STX18: variants seen among roughly 807,000 people sequenced by gnomAD.
The protein encoded by STX18 is syntaxin 18.
STX18 carries 40 observed loss-of-function variants against 50.1 expected under a neutral mutation model. The observed-to-expected ratio is 0.80, with a 90% CI of 0.62 to 1.04. The LOEUF (loss-of-function observed/expected upper bound fraction) is 1.04. Ranked by LOEUF, STX18 falls within the 50% of genes least tolerant of loss-of-function variation. The probability of loss-of-function intolerance (pLI) is 0.00; values close to 1 mark genes in which losing one functional copy is unlikely to be tolerated. For missense variants in STX18, 410 were observed against 415.8 expected (o/e 0.99, Z 0.12); for synonymous variants, 158 against 151.8 (o/e 1.04, Z -0.30).
intron 2 of STX18, among the ~76,000 whole-genome samples, chr4:4,470,616 T>C: frequency 6.6e-6 from 1 of 151,906 alleles, no homozygotes; most frequent in South Asian, 2.1e-4. Flanking sequence ...GTGGAGAAAC[T>C]AACTAACAGA....
At chr4:4,538,380 C>T (rs528033809) in intron 1 of STX18, among the ~76,000 whole-genome samples, 1 of 152,286 alleles carries the variant, frequency 6.6e-6, no homozygotes, top group Non-Finnish European at 1.5e-5. Context: ...AGAAATGTTA[C>T]CATCTTTTAC....
At chr4:4,460,825 C>T (rs1026927337) in intron 2 of STX18, among the ~76,000 whole-genome samples, 26 of 152,252 alleles carry the variant, frequency 1.7e-4, no homozygotes, top group East Asian at 5.8e-4. Flanking sequence ...GAGACAAAGG[C>T]GCTAAGCCAG....
intron 7 of STX18, 92 bp from the exon 8 acceptor site, chr4:4,425,314 C>G: frequency 3.4e-6 from 4 of 1,165,044 alleles, no homozygotes; most frequent in Non-Finnish European, 5.1e-6. Flanking sequence ...GGAATCACTG[C>G]CGAAGCCCCC....
intron 1 of STX18, chr4:4,476,158 G>A (rs1166873335): frequency 6.6e-6 from 1 of 152,180 alleles, no homozygotes; most frequent in Non-Finnish European, 1.5e-5. Context: ...TCATGGAAAA[G>A]AGTTTTCATC....
At chr4:4,486,188 T>C (rs1728692254) in intron 1 of STX18, among the ~76,000 whole-genome samples, 1 of 152,188 alleles carries the variant, frequency 6.6e-6, no homozygotes, top group African/African-American at 2.4e-5. Flanking sequence ...ATTTGAAAGC[T>C]CCTACCACCA....
At chr4:4,515,372 C>T (rs938677685) in intron 1 of STX18, among the ~76,000 whole-genome samples, 2 of 152,084 alleles carry the variant, frequency 1.3e-5, no homozygotes, top group African/African-American at 4.8e-5. Context: ...AAATTGTGGT[C>T]ATCTTTTGTT....
chr4:4,424,898 T>C (rs531238503), intron 8 of STX18, among the ~76,000 whole-genome samples: 1 of 152,200 alleles, frequency 6.6e-6, no homozygotes, highest in South Asian at 2.1e-4. Context: ...AGGTAATCTG[T>C]AGTCACTCCT....
At chr4:4,434,729 A>AT (rs1376255599) in intron 7 of STX18, 41 bp downstream of exon 7, 1 of 1,541,122 alleles carries the variant, frequency 6.5e-7, no homozygotes, top group Non-Finnish European at 8.9e-7. Context: ...GTCTTATGAA[A>AT]ACCAGTTAAA....
At chr4:4,481,738 C>T (rs374120195) in intron 1 of STX18, 31 of 152,290 alleles carry the variant, frequency 2.0e-4, no homozygotes, top group African/African-American at 7.2e-4. Context: ...AGCATGTTGA[C>T]CTGCTGATGT....
At position 4,419,893 on chromosome 4, in the gene STX18, T is replaced by C; in HGVS notation, c.*141A>G. 1.4e-6 allele frequency: 1 copy of C among 703,300 alleles called. No individual in the cohort carries two copies. Among genetic ancestry groups the C allele is most frequent in the African/African-American group, 1.8e-5 (1 of 56,326 alleles). 43.6% of individuals were successfully genotyped at this position (703,300 alleles called of 1,614,324 possible). A position where few individuals can be genotyped will look rare whatever the true frequency, so the allele number is the denominator to read the frequency against. ...GGGGTATCCCTTTTTGGGGAATACGTCTGTCTGTCTGAACTCCTTTCCCTT... is the reference window on the plus strand; with the variant it reads ...GGGGTATCCCTTTTTGGGGAATACGCCTGTCTGTCTGAACTCCTTTCCCTT... On this transcript the variant is annotated 3_prime_UTR_variant, in exon 11 of 11. Transcript: ENST00000306200.
intron 7 of STX18, among the ~76,000 whole-genome samples, chr4:4,426,884 T>G (rs559189308): frequency 2.0e-5 from 3 of 152,246 alleles, no homozygotes; most frequent in African/African-American, 4.8e-5. Flanking sequence ...ACGTGACATC[T>G]CCCATCTCAG....
intron 2 of STX18, among the ~76,000 whole-genome samples, chr4:4,465,997 C>A (rs1727602808): frequency 6.6e-6 from 1 of 152,180 alleles, no homozygotes; most frequent in South Asian, 2.1e-4. Flanking sequence ...TTGATCAAAT[C>A]ATGGCACTAT....
Position 4,465,486 on chromosome 4 carries a change from T to C in STX18, c.237-5999A>G, listed in dbSNP as rs528424454. On this transcript the variant is annotated intron_variant, in intron 2 of 10. Coordinates refer to ENST00000306200, the MANE Select transcript of STX18 (RefSeq NM_016930.4). ...TGGATGGAGCTGGAATCCATTATCC[T>C]CAGCAAACTAACGTAAGAACAGAAA... Among the ~76,000 whole-genome samples, 3 of 152,376 alleles carry C rather than the reference T, an allele frequency of 2.0e-5. No individual in the cohort carries two copies. The South Asian group carries it at 6.2e-4, about 32-fold the overall frequency.
At chr4:4,442,886 A>G (rs1726198703) in intron 5 of STX18, among the ~76,000 whole-genome samples, 1 of 152,150 alleles carries the variant, frequency 6.6e-6, no homozygotes, top group African/African-American at 2.4e-5. Context: ...TAGGCAAGAA[A>G]GTTCACACAA....
intron 1 of STX18, among the ~76,000 whole-genome samples, chr4:4,482,972 T>C (rs1049984605): frequency 2.6e-5 from 4 of 152,226 alleles, no homozygotes; most frequent in Admixed American, 1.3e-4. Flanking sequence ...CTTACGGGAC[T>C]GCGGCTTCCA....
Position 4,420,618 on chromosome 4 carries a change from C to A in STX18, c.912+246G>T. On this transcript the variant is annotated intron_variant, in intron 10 of 10. Transcript: ENST00000306200. The surrounding 1 kb of genome is among the most constrained non-coding windows in gnomAD (Gnocchi z 4.3). ...AGCTGGCCTGACCCTGCCAGGAGTA[C>A]CCCCACCCACCCTGGATTGCTCCTT... is the stretch of plus-strand genomic sequence containing the variant. 4 of 520,714 alleles carry A rather than the reference C, an allele frequency of 7.7e-6. No individual in the cohort carries two copies. The East Asian group carries it at 1.3e-4, about 17-fold the overall frequency. The allele number at this position is 520,714 out of a possible 1,614,324, so 32.3% of individuals were successfully genotyped here. A position where few individuals can be genotyped will look rare whatever the true frequency, so the allele number is the denominator to read the frequency against.
At chr4:4,488,875 T>G (rs1442794973) in intron 1 of STX18, among the ~76,000 whole-genome samples, 1 of 152,140 alleles carries the variant, frequency 6.6e-6, no homozygotes, top group East Asian at 1.9e-4. Flanking sequence ...ACTGTTACCT[T>G]GTTCATTTTC....
At chr4:4,542,142 C>T, upstream of STX18, 2 of 759,714 alleles carry the variant, frequency 2.6e-6, no homozygotes, top group Non-Finnish European at 3.9e-6. Flanking sequence ...AAAAAGGTTC[C>T]GGCCTCAGCC....
intron 7 of STX18, chr4:4,425,514 C>T (rs1725201608): frequency 1.9e-6 from 1 of 532,036 alleles, no homozygotes; most frequent in East Asian, 3.1e-5. Flanking sequence ...TACCTACCCG[C>T]TCTCCCCTGG....
Sources: gnomAD v4.1 joint callset for allele counts (sites outside exome capture counted in the v4.1 genomes callset) on GRCh38, gnomAD v4.1.1 for gene constraint, Gnocchi (gnomAD v3.1) non-coding constraint, MANE v1.5 for transcripts, NCBI Gene and HGNC (gene_info 2026-07-23, HGNC 2026-07-21) for gene names.